LRRIQ1: variants seen among roughly 807,000 people sequenced by gnomAD.
LRRIQ1 encodes leucine rich repeats and IQ motif containing 1, also known as leucine-rich repeat- and IQ domain-containing protein 1.
In LRRIQ1, 210 loss-of-function variants were observed where a neutral mutation model predicts 211.9. That is an observed-to-expected ratio of 0.99 (90% CI 0.89 to 1.11). The LOEUF (loss-of-function observed/expected upper bound fraction) is 1.11, where lower values mean the gene tolerates loss of function less well. LRRIQ1 is among the 50% of genes most tolerant of loss of function. The pLI, the probability that LRRIQ1 is intolerant of heterozygous loss-of-function variation, is 0.00. For missense variants in LRRIQ1, 2,136 were observed against 1,939.5 expected (o/e 1.10, Z -1.90); for synonymous variants, 699 against 650.1 (o/e 1.08, Z -1.14).
At chr12:85,108,968 AAC>A (rs3991870) in intron 15 of LRRIQ1, among the ~76,000 whole-genome samples, 2,493 of 152,186 alleles carry the variant, frequency 0.016, 68 homozygotes, top group African/African-American at 0.057. Context: ...TTATGAACAA[AAC>A]ACAAACTAAA....
At chr12:85,199,874 C>A (rs1893205832) in intron 24 of LRRIQ1, among the ~76,000 whole-genome samples, 1 of 152,162 alleles carries the variant, frequency 6.6e-6, no homozygotes, top group South Asian at 2.1e-4. Context: ...TGGGTGGGAA[C>A]ACAGCCAAAA....
intron 24 of LRRIQ1, among the ~76,000 whole-genome samples, chr12:85,198,091 TTA>T (rs1458005096): frequency 5.2e-5 from 6 of 116,148 alleles, no homozygotes; most frequent in Non-Finnish European, 9.9e-5. Context: ...ATTTATTATA[TTA>T]TATATTATAT....
intron 24 of LRRIQ1, among the ~76,000 whole-genome samples, chr12:85,186,656 T>C (rs1892242127): frequency 6.6e-6 from 1 of 152,040 alleles, no homozygotes; most frequent in African/African-American, 2.4e-5. Flanking sequence ...ATGCAAAAAA[T>C]ATATTTTTTT....
chr12:85,191,533 A>G (rs1158715840), intron 24 of LRRIQ1, among the ~76,000 whole-genome samples: 1 of 152,006 alleles, frequency 6.6e-6, no homozygotes, highest in African/African-American at 2.4e-5. Context: ...TGTTTCATTG[A>G]ATGGAAGTAC....
intron 24 of LRRIQ1, among the ~76,000 whole-genome samples, chr12:85,191,799 G>A (rs925293561): frequency 1.3e-5 from 2 of 151,760 alleles, no homozygotes; most frequent in African/African-American, 2.4e-5. Context: ...CATTGTTTTG[G>A]ATATTCTCCA....
chr12:85,169,178 A>G (rs1891291110), intron 24 of LRRIQ1, among the ~76,000 whole-genome samples: 1 of 152,190 alleles, frequency 6.6e-6, no homozygotes, highest in South Asian at 2.1e-4. Flanking sequence ...TGGAAAAGAT[A>G]GTATCAGTAG....
At chr12:85,115,095 A>G (rs1404178072) in intron 15 of LRRIQ1, among the ~76,000 whole-genome samples, 2 of 152,308 alleles carry the variant, frequency 1.3e-5, no homozygotes, top group African/African-American at 2.4e-5. Flanking sequence ...TTCATGATTA[A>G]TAGAGCTTCT....
chr12:85,098,055 C>T (rs1170613321), intron 11 of LRRIQ1, among the ~76,000 whole-genome samples: 2 of 152,036 alleles, frequency 1.3e-5, no homozygotes, highest in Admixed American at 6.6e-5. Context: ...TATATCTCTC[C>T]CTTGTTTTGT....
At chr12:85,130,631 A>C (rs1181017387) in intron 18 of LRRIQ1, among the ~76,000 whole-genome samples, 2 of 152,170 alleles carry the variant, frequency 1.3e-5, no homozygotes, top group East Asian at 1.9e-4. Context: ...ACATCATTGA[A>C]GTGAACTCCA....
intron 15 of LRRIQ1, among the ~76,000 whole-genome samples, chr12:85,113,044 T>C (rs1285689580): frequency 6.6e-6 from 1 of 152,178 alleles, no homozygotes; most frequent in African/African-American, 2.4e-5. Flanking sequence ...CTTTAGTCCT[T>C]CACCATGTGC....
intron 1 of LRRIQ1, among the ~76,000 whole-genome samples, chr12:85,262,160 A>C (rs1446703571): frequency 6.6e-6 from 1 of 152,144 alleles, no homozygotes; most frequent in Admixed American, 6.5e-5. Context: ...TCCACGAACT[A>C]TTCTTAGGAC....
chr12:85,169,676 C>T (rs2136797984), intron 24 of LRRIQ1, among the ~76,000 whole-genome samples: 1 of 152,292 alleles, frequency 6.6e-6, no homozygotes, highest in Non-Finnish European at 1.5e-5. Flanking sequence ...CCCTGTAACA[C>T]TATTTCACAT....
chr12:85,117,610 G>A (rs1267671493), intron 15 of LRRIQ1, among the ~76,000 whole-genome samples: 1 of 152,100 alleles, frequency 6.6e-6, no homozygotes, highest in Non-Finnish European at 1.5e-5. Context: ...GGCATCCAAA[G>A]AATTAGAATA....
At chr12:85,224,851 T>A (rs1028614231) in intron 24 of LRRIQ1, among the ~76,000 whole-genome samples, 4 of 152,188 alleles carry the variant, frequency 2.6e-5, no homozygotes, top group African/African-American at 9.6e-5. Context: ...AAACTGCACA[T>A]TCTGCACATG....
intron 15 of LRRIQ1, among the ~76,000 whole-genome samples, chr12:85,110,791 C>T (rs768432883): frequency 6.6e-6 from 1 of 152,056 alleles, no homozygotes; most frequent in African/African-American, 2.4e-5. Context: ...TGTAGCTAGA[C>T]TCTGTTTGAA....
downstream of LRRIQ1, among the ~76,000 whole-genome samples, chr12:85,266,312 A>G (rs1896418079): frequency 6.6e-6 from 1 of 152,116 alleles, no homozygotes; most frequent in African/African-American, 2.4e-5. Flanking sequence ...ATCCTGTTGG[A>G]TCATAAATCC....
intron 11 of LRRIQ1, among the ~76,000 whole-genome samples, chr12:85,076,079 T>G (rs1415167371): frequency 6.6e-6 from 1 of 152,072 alleles, no homozygotes; most frequent in Non-Finnish European, 1.5e-5. Flanking sequence ...TTATACTACA[T>G]TAAAACTCTT....
chr12:85,250,383 C>G (rs183493156), intron 1 of LRRIQ1, among the ~76,000 whole-genome samples: 2 of 151,690 alleles, frequency 1.3e-5, no homozygotes, highest in Non-Finnish European at 2.9e-5. Context: ...ATACCACAAT[C>G]AGAAGATGCA....
intron 24 of LRRIQ1, among the ~76,000 whole-genome samples, chr12:85,226,531 CTTTT>C (rs540579707): frequency 7.3e-6 from 1 of 136,598 alleles, no homozygotes. Context: ...TTTCTACTTC[CTTTT>C]TTTTTTTTTT....
Sources: gnomAD v4.1 joint callset for allele counts (sites outside exome capture counted in the v4.1 genomes callset) on GRCh38, gnomAD v4.1.1 for gene constraint, MANE v1.5 for transcripts, NCBI Gene and HGNC (gene_info 2026-07-23, HGNC 2026-07-21) for gene names.